The following SH3KBP1 variants were observed in gnomAD, a reference collection of about 807,000 sequenced individuals.
SH3KBP1 encodes SH3 domain-containing kinase-binding protein 1.
In SH3KBP1, 8 loss-of-function variants were observed where a neutral mutation model predicts 50.1. That is an observed-to-expected ratio of 0.16 (90% confidence interval 0.09 to 0.29). The LOEUF (loss-of-function observed/expected upper bound fraction) is 0.29, where lower values mean the gene tolerates loss of function less well. Ranked by LOEUF, SH3KBP1 falls within the 10% of genes least tolerant of loss-of-function variation. The probability of loss-of-function intolerance (pLI) is 1.00; values close to 1 mark genes in which losing one functional copy is unlikely to be tolerated. For missense variants in SH3KBP1, 377 were observed against 535.2 expected (o/e 0.70, Z 2.92); for synonymous variants, 227 against 218.6 (o/e 1.04, Z -0.34).
At chrX:19,602,369 A>G (rs941040478) in intron 9 of SH3KBP1, among the ~76,000 whole-genome samples, 5 of 112,011 alleles carry the variant, frequency 4.5e-5, no homozygotes, top group African/African-American at 1.6e-4. Flanking sequence ...AGCTTGGGAC[A>G]TGGGCTCTGC....
At chrX:19,836,562 A>C (rs2068062806) in intron 1 of SH3KBP1, among the ~76,000 whole-genome samples, 1 of 111,677 alleles carries the variant, frequency 9.0e-6, no homozygotes, top group African/African-American at 3.3e-5. Flanking sequence ...ACAGCCAGAT[A>C]ACAACATTTG....
rs1479054243 is a variant in SH3KBP1 at position 19,852,183 on chromosome X, C to T, written c.5-15901G>A. ...GCCAATTTGCACTGAGACACACCAG[C>T]TGGCATGCCTAGTTACTGAGTCATC... On this transcript the variant is annotated intron_variant, in intron 1 of 17. Coordinates refer to ENST00000397821, the MANE Select transcript of SH3KBP1 (RefSeq NM_031892.3). 2.7e-5 allele frequency among the ~76,000 whole-genome samples: 3 copies of T among 111,258 alleles called. No homozygotes were observed. In the East Asian group the frequency reaches 8.5e-4, roughly 32 times the overall value.
At chrX:19,811,360 T>C (rs1265866316) in intron 2 of SH3KBP1, among the ~76,000 whole-genome samples, 1 of 111,575 alleles carries the variant, frequency 9.0e-6, no homozygotes, top group Non-Finnish European at 1.9e-5. Flanking sequence ...GCGTTTATGG[T>C]TTTAAACAGC....
intron 2 of SH3KBP1, among the ~76,000 whole-genome samples, chrX:19,780,867 A>T (rs188425995): frequency 1.3e-3 from 144 of 112,242 alleles, no homozygotes; most frequent in African/African-American, 4.3e-3. Flanking sequence ...TCCACTGATC[A>T]GTATTTACAT....
chrX:19,569,172 T>A lies in SH3KBP1; in HGVS notation c.1315A>T (p.Ile439Phe), dbSNP rs1209966062. ...LTHTRGDSPK[I>F]DLAGSSLSGI... ...GATAGCGAACTGCCGGCCAAGTCAA[T>A]CTTTGGACTGTCACCCCTACATTAA... The change falls in exon 13 of 18, where the codon ATT becomes TTT. Residue 439 changes from isoleucine to phenylalanine, a missense_variant. By Grantham distance (21) the Ile-to-Phe change is conservative. Around this residue, in one of 3 missense-constraint regions of SH3KBP1, gnomAD observed 257 missense variants for 374.2 expected, o/e 0.69. Transcript: ENST00000397821. The A allele has an allele frequency of 8.3e-7, 1 of 1,207,327 alleles. No homozygotes were observed. The highest frequency in any genetic ancestry group is 1.7e-5 in the African/African-American group (1 of 57,268).
chrX:19,662,702 T>C (rs889113021), intron 6 of SH3KBP1, among the ~76,000 whole-genome samples: 2 of 111,787 alleles, frequency 1.8e-5, no homozygotes, highest in Admixed American at 9.6e-5. Context: ...CTTCAGTATA[T>C]CATAATTTTA....
chrX:19,714,761 T>C (rs977094844), intron 3 of SH3KBP1, among the ~76,000 whole-genome samples: 3 of 112,473 alleles, frequency 2.7e-5, no homozygotes, highest in Non-Finnish European at 5.6e-5. Context: ...TGATCTCTAA[T>C]TGAATTCTGC....
intron 8 of SH3KBP1, among the ~76,000 whole-genome samples, chrX:19,629,181 T>C (rs1010230371): frequency 9.2e-6 from 1 of 108,497 alleles, no homozygotes; most frequent in African/African-American, 3.4e-5. Context: ...ATCAGGAACA[T>C]GGTCTGAGTC....
chrX:19,680,380 CAA>C (rs763413288), intron 6 of SH3KBP1, among the ~76,000 whole-genome samples: 41 of 37,780 alleles, frequency 1.1e-3, no homozygotes, highest in African/African-American at 2.3e-3. Context: ...ACTCTTGTTT[CAA>C]AAAAAAAAAA....
rs774857548 is a variant in SH3KBP1 at position 19,828,552 on chromosome X, C to T, written c.162+7573G>A. On this transcript the variant is annotated intron_variant, in intron 2 of 17. Coordinates refer to ENST00000397821, the MANE Select transcript of SH3KBP1 (RefSeq NM_031892.3). ...ATCCCAGCACTTTGGGAGGCTGAGG[C>T]GGGCGGATCACTTGAGCGCAGGAGT... Among the ~76,000 whole-genome samples, 26 of 110,827 alleles carry T rather than the reference C, an allele frequency of 2.3e-4. No homozygotes were observed. The East Asian group carries it at 6.5e-3, about 28-fold the overall frequency.
chrX:19,778,547 G>GA (rs1248058187), intron 2 of SH3KBP1, among the ~76,000 whole-genome samples: 4 of 110,736 alleles, frequency 3.6e-5, no homozygotes, highest in African/African-American at 1.3e-4. Context: ...GATACGAAGT[G>GA]AATACACAAG....
At chrX:19,878,503 TGTGAGAGAGA>T (rs1387552123) in intron 1 of SH3KBP1, among the ~76,000 whole-genome samples, 44 of 78,883 alleles carry the variant, frequency 5.6e-4, no homozygotes, top group Admixed American at 7.7e-4. Flanking sequence ...TGTGTGTGTG[TGTGAGAGAGA>T]GAGAGAGAGA....
At chrX:19,591,471 G>A (rs987604756) in intron 11 of SH3KBP1, among the ~76,000 whole-genome samples, 1 of 110,991 alleles carries the variant, frequency 9.0e-6, no homozygotes, top group African/African-American at 3.3e-5. Context: ...TCCTGCCAAT[G>A]ACACTCCTGA....
In SH3KBP1 at chrX:19,683,812, G is replaced by A. The variant is rs1365638486; in HGVS notation, c.726+11C>T. 8.4e-6 allele frequency: 10 copies of A among 1,197,167 alleles called. No individual in the cohort carries two copies. The highest frequency in any genetic ancestry group is 1.8e-5 in the African/African-American group (1 of 57,027). On this transcript the variant is annotated intron_variant, in intron 6 of 17. Coordinates refer to ENST00000397821, the MANE Select transcript of SH3KBP1 (RefSeq NM_031892.3). ...ATTAAGTTGAAATCAAATAGAAACTGTCGAACATACCTTTTCTACCGGCAG... is the reference window on the plus strand; with the variant it reads ...ATTAAGTTGAAATCAAATAGAAACTATCGAACATACCTTTTCTACCGGCAG...
chrX:19,720,168 A>G (rs2064017231), intron 3 of SH3KBP1, among the ~76,000 whole-genome samples: 1 of 111,179 alleles, frequency 9.0e-6, no homozygotes, highest in African/African-American at 3.3e-5. Flanking sequence ...ATCACGTCAT[A>G]ACATAAAATC....
chrX:19,744,974 G>A (rs762136858), intron 3 of SH3KBP1, among the ~76,000 whole-genome samples: 1 of 112,413 alleles, frequency 8.9e-6, no homozygotes, highest in South Asian at 3.6e-4. Context: ...TGGTCAACAT[G>A]CGTGCAATTG....
intron 8 of SH3KBP1, among the ~76,000 whole-genome samples, chrX:19,628,124 T>C (rs2061497152): frequency 8.9e-6 from 1 of 112,193 alleles, no homozygotes; most frequent in African/African-American, 3.2e-5. Flanking sequence ...AGCAAAATAT[T>C]TATGGCATGT....
chrX:19,572,356 G>GTATATATAGTACATATATGT (rs1448754948), intron 12 of SH3KBP1, among the ~76,000 whole-genome samples: 15 of 97,788 alleles, frequency 1.5e-4, no homozygotes, highest in Non-Finnish European at 2.7e-4. Context: ...ACATATATAT[G>GTATATATAGTACATATATGT]TATATATAGT....
At chrX:19,692,019 T>C (rs1458890484) in intron 5 of SH3KBP1, among the ~76,000 whole-genome samples, 1 of 111,741 alleles carries the variant, frequency 8.9e-6, no homozygotes. Flanking sequence ...ATGTTAGAAA[T>C]TTTCAATAAT....
Sources: allele counts gnomAD v4.1 joint callset (sites outside exome capture counted in the v4.1 genomes callset), GRCh38; gene constraint gnomAD v4.1.1; regional missense constraint gnomAD v4.1.1; transcripts MANE v1.5; gene names NCBI Gene and HGNC (gene_info 2026-07-23, HGNC 2026-07-21).